ANKS1B: variants seen among roughly 807,000 people sequenced by gnomAD.
ANKS1B encodes the protein ankyrin repeat and sterile alpha motif domain-containing protein 1B.
ANKS1B carries 36 observed loss-of-function variants against 148.3 expected under a neutral mutation model. The observed-to-expected ratio is 0.24, with a 90% CI of 0.19 to 0.32. The LOEUF (loss-of-function observed/expected upper bound fraction) is 0.32, where lower values mean the gene tolerates loss of function less well. ANKS1B is among the 10% of genes least tolerant of loss of function. The probability of loss-of-function intolerance (pLI) is 1.00; values close to 1 mark genes in which losing one functional copy is unlikely to be tolerated. For synonymous variants in ANKS1B, 542 were observed against 560.8 expected, an observed-to-expected ratio of 0.97 and a Z score of 0.47; for missense variants, 1,157 against 1,542.6, an observed-to-expected ratio of 0.75 and a Z score of 4.19.
chr12:99,157,843 A>C (rs1209420250), intron 14 of ANKS1B, among the ~76,000 whole-genome samples: 4 of 152,202 alleles, frequency 2.6e-5, no homozygotes, highest in African/African-American at 9.6e-5. Flanking sequence ...AAGACAGTAT[A>C]TTTGTGGTGG....
At chr12:99,215,525 G>A (rs2084025233) in intron 14 of ANKS1B, among the ~76,000 whole-genome samples, 1 of 152,202 alleles carries the variant, frequency 6.6e-6, no homozygotes, top group Non-Finnish European at 1.5e-5. Flanking sequence ...ACTGTATCCT[G>A]CAAAGTCATA....
chr12:99,423,931 C>A (rs369594105), intron 11 of ANKS1B, among the ~76,000 whole-genome samples: 67 of 152,202 alleles, frequency 4.4e-4, no homozygotes, highest in African/African-American at 1.4e-3. Flanking sequence ...ATAACCCCCC[C>A]ACCCCGACAC....
In ANKS1B at chr12:98,744,306, T is replaced by G; in HGVS notation, c.*1433A>C. On this transcript the variant is annotated 3_prime_UTR_variant, in exon 27 of 27. Coordinates refer to ENST00000683438, the MANE Select transcript of ANKS1B (RefSeq NM_001352186.2). ...GTTAGTTTGAAATAAAATGTAGTTA[T>G]TCTTCAAAACTCACCAACTGATGAA... is the stretch of plus-strand genomic sequence containing the variant. The G allele has an allele frequency of 4.3e-6, 4 of 934,778 alleles. No individual in the cohort carries two copies. The highest frequency in any genetic ancestry group is 3.8e-6 in the Non-Finnish European group (3 of 783,508). 57.9% of individuals were successfully genotyped at this position (934,778 alleles called of 1,614,324 possible). A position where few individuals can be genotyped will look rare whatever the true frequency, so the allele number is the denominator to read the frequency against.
At chr12:99,740,879 C>A (rs546505101) in intron 8 of ANKS1B, among the ~76,000 whole-genome samples, 1 of 152,218 alleles carries the variant, frequency 6.6e-6, no homozygotes, top group Admixed American at 6.5e-5. Flanking sequence ...AGATACTACA[C>A]TTTTCCCACT....
chr12:99,681,172 C>T (rs1015823269), intron 8 of ANKS1B, among the ~76,000 whole-genome samples: 1 of 152,144 alleles, frequency 6.6e-6, no homozygotes, highest in African/African-American at 2.4e-5. Flanking sequence ...AGCTTGTATA[C>T]CCCTATACTA....
intron 14 of ANKS1B, among the ~76,000 whole-genome samples, chr12:99,243,484 C>A (rs1411223982): frequency 1.3e-5 from 2 of 152,290 alleles, no homozygotes; most frequent in African/African-American, 4.8e-5. Flanking sequence ...CCTCAAGGAT[C>A]TAGAACTAGA....
intron 9 of ANKS1B, among the ~76,000 whole-genome samples, chr12:99,653,739 G>A (rs888017702): frequency 1.7e-4 from 24 of 143,108 alleles, no homozygotes; most frequent in African/African-American, 2.4e-4. Context: ...CTGGAATGCA[G>A]TGGTATGATC....
At chr12:99,176,600 T>C (rs2078412121) in intron 14 of ANKS1B, among the ~76,000 whole-genome samples, 1 of 152,168 alleles carries the variant, frequency 6.6e-6, no homozygotes, top group African/African-American at 2.4e-5. Flanking sequence ...TATATCATGT[T>C]GAGGTGTAAT....
chr12:99,814,169 T>C (rs561689004), intron 2 of ANKS1B, among the ~76,000 whole-genome samples: 5 of 151,784 alleles, frequency 3.3e-5, no homozygotes, highest in Non-Finnish European at 7.4e-5. Flanking sequence ...GTAAGTGCAC[T>C]CTATGATGTT....
chr12:99,333,676 C>G (rs2088038117), intron 12 of ANKS1B, among the ~76,000 whole-genome samples: 1 of 151,934 alleles, frequency 6.6e-6, no homozygotes, highest in Non-Finnish European at 1.5e-5. Context: ...TTGGTTGTTT[C>G]TCAACCCTGA....
At chr12:99,402,051 A>G (rs1372519430) in intron 11 of ANKS1B, among the ~76,000 whole-genome samples, 1 of 146,520 alleles carries the variant, frequency 6.8e-6, no homozygotes, top group Admixed American at 6.8e-5. Flanking sequence ...GGCTTTTTAG[A>G]GAAAATATTT....
intron 9 of ANKS1B, among the ~76,000 whole-genome samples, chr12:99,530,087 A>C (rs1475720959): frequency 6.6e-6 from 1 of 152,238 alleles, no homozygotes; most frequent in East Asian, 1.9e-4. Flanking sequence ...GTAGCACAGA[A>C]GCAGCCACGT....
intron 12 of ANKS1B, among the ~76,000 whole-genome samples, chr12:99,344,111 C>T (rs1490000849): frequency 6.6e-6 from 1 of 151,962 alleles, no homozygotes; most frequent in Admixed American, 6.6e-5. Flanking sequence ...ACACATGAGT[C>T]TTATTAGGTC....
At chr12:99,935,344 T>C (rs1004327403) in intron 1 of ANKS1B, among the ~76,000 whole-genome samples, 12 of 132,220 alleles carry the variant, frequency 9.1e-5, no homozygotes, top group Non-Finnish European at 1.8e-4. Context: ...GTTCTTTTTC[T>C]GTAGATGCCT....
chr12:98,888,747 C>T (rs1000623233), intron 17 of ANKS1B, among the ~76,000 whole-genome samples: 1 of 152,146 alleles, frequency 6.6e-6, no homozygotes, highest in Non-Finnish European at 1.5e-5. Flanking sequence ...CTCAGGGATA[C>T]CCCCAAATTT....
At chr12:99,408,800 T>C (rs1171368388) in intron 11 of ANKS1B, among the ~76,000 whole-genome samples, 1 of 145,880 alleles carries the variant, frequency 6.9e-6, no homozygotes, top group Non-Finnish European at 1.5e-5. Flanking sequence ...TACAAGGAAA[T>C]ATCACCTCAC....
chr12:99,343,021 G>T (rs1337583900), intron 12 of ANKS1B, among the ~76,000 whole-genome samples: 2 of 151,832 alleles, frequency 1.3e-5, no homozygotes, highest in African/African-American at 2.4e-5. Context: ...TCTGTCAAAA[G>T]AAAAATGTGA....
At chr12:98,771,296 C>A (rs2098563732) in intron 25 of ANKS1B, among the ~76,000 whole-genome samples, 1 of 151,620 alleles carries the variant, frequency 6.6e-6, no homozygotes, top group Non-Finnish European at 1.5e-5. Context: ...GCCTCCTGAG[C>A]AACTGGGACT....
chr12:99,337,238 G>A (rs973155673), intron 12 of ANKS1B, among the ~76,000 whole-genome samples: 1 of 151,782 alleles, frequency 6.6e-6, no homozygotes, highest in Non-Finnish European at 1.5e-5. Flanking sequence ...CTGTCTTCAA[G>A]CTCGGTTATT....
Sources: allele counts gnomAD v4.1 joint callset (sites outside exome capture counted in the v4.1 genomes callset), GRCh38; gene constraint gnomAD v4.1.1; transcripts MANE v1.5; gene names NCBI Gene and HGNC (gene_info 2026-07-23, HGNC 2026-07-21).